Variants in FBXO25 observed in about 807,000 individuals in gnomAD.
FBXO25 encodes the protein F-box protein 25.
FBXO25 carries 45 observed loss-of-function variants against 51.9 expected under a neutral mutation model. The ratio of observed to expected loss-of-function variants is 0.87; its 90% CI spans 0.68 to 1.11. FBXO25 has a LOEUF of 1.11. Ranked by LOEUF, FBXO25 falls within the 50% of genes most tolerant of loss-of-function variation. FBXO25 has a pLI of 0.00. For missense variants in FBXO25, 507 were observed against 428.5 expected (o/e 1.18, Z -1.62); for synonymous variants, 199 against 151.0 (o/e 1.32, Z -2.33).
chr8:417,562 A>G (rs1356814582), intron 2 of FBXO25, among the ~76,000 whole-genome samples: 1 of 152,222 alleles, frequency 6.6e-6, no homozygotes, highest in African/African-American at 2.4e-5. Flanking sequence ...TATAACATCT[A>G]AATCCGCCTT....
intron 2 of FBXO25, among the ~76,000 whole-genome samples, chr8:423,337 T>G (rs1407229729): frequency 6.6e-6 from 1 of 152,226 alleles, no homozygotes; most frequent in Non-Finnish European, 1.5e-5. Context: ...GGGGTCCATG[T>G]ACAGATTTGT....
chr8:413,180 G>A lies in FBXO25; in HGVS notation c.101G>A (p.Arg34Lys), dbSNP rs1796589496. 6.2e-7 allele frequency: 1 copy of A among 1,609,226 alleles called. No individual in the cohort carries two copies. Among genetic ancestry groups the A allele is most frequent in the Non-Finnish European group, 8.5e-7 (1 of 1,178,200 alleles). Reference protein sequence around the residue: ...RCESCSQKLERENNRCNISHS... With the variant: ...RCESCSQKLEKENNRCNISHS... Reference sequence around the variant, plus strand: ...GAATCTTGTAGTCAGAAACTTGAAAGAGAGAATAACCGTTGTAACATCAGT... The same window carrying A: ...GAATCTTGTAGTCAGAAACTTGAAAAAGAGAATAACCGTTGTAACATCAGT... The change falls in exon 2 of 10, where the codon AGA becomes AAA. Residue 34 changes from arginine (R) to lysine (K), a missense_variant. Transcript: ENST00000350302.
chr8:464,497 C>G (rs1310126851), intron 9 of FBXO25, among the ~76,000 whole-genome samples: 4 of 152,222 alleles, frequency 2.6e-5, no homozygotes, highest in African/African-American at 4.8e-5. Flanking sequence ...TGGGCTGTCT[C>G]TGCCTCTTGC....
intron 9 of FBXO25, chr8:467,816 C>T (rs1800277562): frequency 6.2e-6 from 10 of 1,602,424 alleles, no homozygotes; most frequent in Admixed American, 3.3e-5. Context: ...ATCTCATGCA[C>T]GTCATCTTGG....
rs560016856 is a variant in FBXO25, at chr8:439,383, A to C, written c.381+3676A>C. Reference sequence around the variant, plus strand: ...TGCAACTGAAATTTATAAAAATGTTAAATATGCTCTGTTTCCTAAAGTACA... The same window carrying C: ...TGCAACTGAAATTTATAAAAATGTTCAATATGCTCTGTTTCCTAAAGTACA... On this transcript the variant is annotated intron_variant, in intron 5 of 9. Coordinates refer to ENST00000350302, the MANE Select transcript of FBXO25 (RefSeq NM_183420.2). 2.6e-5 allele frequency among the ~76,000 whole-genome samples: 4 copies of C among 152,312 alleles called. No individual in the cohort carries two copies. In the East Asian group the frequency reaches 7.7e-4, roughly 29 times the overall value.
At chr8:421,245 T>C (rs1489270218) in intron 2 of FBXO25, among the ~76,000 whole-genome samples, 4 of 152,216 alleles carry the variant, frequency 2.6e-5, no homozygotes, top group Admixed American at 2.6e-4. Flanking sequence ...TGATCTGAGG[T>C]GGCACAGTTT....
intron 2 of FBXO25, among the ~76,000 whole-genome samples, chr8:425,396 CT>C (rs2117551122): frequency 6.6e-6 from 1 of 150,872 alleles, no homozygotes; most frequent in South Asian, 2.1e-4. Context: ...GCACTTGTAA[CT>C]TTCTTATTTT....
intron 5 of FBXO25, among the ~76,000 whole-genome samples, chr8:439,202 C>T (rs192246699): frequency 2.0e-5 from 3 of 152,108 alleles, no homozygotes; most frequent in African/African-American, 7.2e-5. Flanking sequence ...CCTTGGAGTC[C>T]TGGGCTTGCT....
At chr8:444,704 C>G (rs184663953) in intron 5 of FBXO25, among the ~76,000 whole-genome samples, 1 of 152,130 alleles carries the variant, frequency 6.6e-6, no homozygotes, top group Non-Finnish European at 1.5e-5. Flanking sequence ...AATGACCGAC[C>G]GCGTGTAGTG....
intron 5 of FBXO25, among the ~76,000 whole-genome samples, chr8:449,472 G>C (rs975277226): frequency 5.3e-5 from 8 of 152,206 alleles, no homozygotes; most frequent in African/African-American, 9.6e-5. Flanking sequence ...ATTTAATAAT[G>C]AGTTTTTAAA....
At chr8:415,093 A>T (rs1200830090) in intron 2 of FBXO25, among the ~76,000 whole-genome samples, 1 of 152,244 alleles carries the variant, frequency 6.6e-6, no homozygotes, top group South Asian at 2.1e-4. Flanking sequence ...ATCACTATAT[A>T]AATGGCCTTC....
chr8:419,977 A>G (rs1036435552), intron 2 of FBXO25, among the ~76,000 whole-genome samples: 12 of 152,300 alleles, frequency 7.9e-5, no homozygotes, highest in African/African-American at 2.9e-4. Context: ...TACTTCACCA[A>G]ACAACTTGCA....
At chr8:423,982 A>G (rs1797318254) in intron 2 of FBXO25, among the ~76,000 whole-genome samples, 1 of 152,170 alleles carries the variant, frequency 6.6e-6, no homozygotes, top group Admixed American at 6.5e-5. Flanking sequence ...AGTAATGGCC[A>G]TTCTGACTAG....
rs1047792405 is a variant in FBXO25 at position 463,133 on chromosome 8, A to T, written c.970A>T (p.Ser324Cys). ...GDTLHFCRHC[S>C]ILFWKDSGHP... ...CACACTGCATTTCTGTCGGCACTGC[A>T]GCATTCTCTTTTGGAAGGTACTGAT... The change falls in exon 9 of 10, where the codon AGC becomes TGC. Residue 324 changes from serine (S) to cysteine (C), a missense_variant. Transcript: ENST00000350302. 2 of 1,611,732 alleles carry T rather than the reference A, an allele frequency of 1.2e-6. No homozygotes were observed. Among genetic ancestry groups the T allele is most frequent in the Admixed American group, 1.7e-5 (1 of 59,340 alleles).
At chr8:418,182 A>G (rs1455645561) in intron 2 of FBXO25, among the ~76,000 whole-genome samples, 2 of 152,122 alleles carry the variant, frequency 1.3e-5, no homozygotes, top group Non-Finnish European at 2.9e-5. Flanking sequence ...GTCTGCTCCC[A>G]TGCCATCTGC....
chr8:436,696 ACT>A (rs1425861722), intron 5 of FBXO25, among the ~76,000 whole-genome samples: 2 of 152,136 alleles, frequency 1.3e-5, no homozygotes, highest in African/African-American at 4.8e-5. Flanking sequence ...TGCAGATTTG[ACT>A]CAGCCTTGTG....
intron 2 of FBXO25, among the ~76,000 whole-genome samples, chr8:422,650 G>C (rs1381500782): frequency 6.6e-6 from 1 of 152,226 alleles, no homozygotes; most frequent in Non-Finnish European, 1.5e-5. Context: ...TCTTGTGCAA[G>C]TCTAAAATCA....
Position 471,371 on chromosome 8 carries a change from A to G in FBXO25, c.*2567A>G, listed in dbSNP as rs1215731598. Reference sequence around the variant, plus strand: ...GAAGATCGGACAACACCAAACAGAGATGAGAAGAGAAATCATAGATCTCCA... The same window carrying G: ...GAAGATCGGACAACACCAAACAGAGGTGAGAAGAGAAATCATAGATCTCCA... On this transcript the variant is annotated 3_prime_UTR_variant, in exon 10 of 10. Transcript: ENST00000350302. 2.0e-5 allele frequency: 3 copies of G among 151,990 alleles called. No homozygotes were observed. Among genetic ancestry groups the G allele is most frequent in the Non-Finnish European group, 4.4e-5 (3 of 67,956 alleles). 9.4% of individuals were successfully genotyped at this position (151,990 alleles called of 1,614,324 possible).
At chr8:437,199 C>T (rs1431949416) in intron 5 of FBXO25, among the ~76,000 whole-genome samples, 1 of 152,104 alleles carries the variant, frequency 6.6e-6, no homozygotes, top group Non-Finnish European at 1.5e-5. Flanking sequence ...AATTTTCTGT[C>T]GGTCATTTGT....
Sources: allele counts gnomAD v4.1 joint callset (sites outside exome capture counted in the v4.1 genomes callset), GRCh38; gene constraint gnomAD v4.1.1; transcripts MANE v1.5; gene names NCBI Gene and HGNC (gene_info 2026-07-23, HGNC 2026-07-21).